The following PCSK2 variants were observed in gnomAD, a reference collection of about 807,000 sequenced individuals.
PCSK2 encodes neuroendocrine convertase 2.
PCSK2 carries 14 observed loss-of-function variants against 69.7 expected under a neutral mutation model. The ratio of observed to expected loss-of-function variants is 0.20; its 90% CI spans 0.13 to 0.31. The LOEUF (loss-of-function observed/expected upper bound fraction) is 0.31. PCSK2 is among the 10% of genes least tolerant of loss of function. The pLI, the probability that PCSK2 is intolerant of heterozygous loss-of-function variation, is 1.00. For synonymous variants in PCSK2, 307 were observed against 320.7 expected (o/e 0.96, Z 0.46); for missense variants, 544 against 842.5 (o/e 0.65, Z 4.39).
At chr20:17,252,302 T>G (rs1987013061) in intron 1 of PCSK2, among the ~76,000 whole-genome samples, 1 of 151,620 alleles carries the variant, frequency 6.6e-6, no homozygotes, top group Admixed American at 6.6e-5. Context: ...TGGAAAAGAG[T>G]CTCTTAAGCT....
At chr20:17,378,618 TGGATGGA>T (rs2030999005) in intron 5 of PCSK2, among the ~76,000 whole-genome samples, 1 of 148,112 alleles carries the variant, frequency 6.8e-6, no homozygotes, top group African/African-American at 2.5e-5. Flanking sequence ...GATGGATGGA[TGGATGGA>T]TGGATGGATG....
intron 2 of PCSK2, among the ~76,000 whole-genome samples, chr20:17,275,991 G>T (rs1178137998): frequency 6.6e-6 from 1 of 152,140 alleles, no homozygotes; most frequent in Non-Finnish European, 1.5e-5. Context: ...AGGTTGATGT[G>T]AGCATTAAAT....
intron 2 of PCSK2, chr20:17,263,179 T>A: frequency 1.0e-6 from 1 of 967,440 alleles, no homozygotes; most frequent in Non-Finnish European, 1.2e-6. Flanking sequence ...TTTTTTTGAC[T>A]TCAGACCAGA....
In PCSK2 at chr20:17,285,251, C is replaced by T. The variant is rs536822722; in HGVS notation, c.282+24907C>T. ...ATTTTTCAAAGTTACTTTTTCTTGT[C>T]GGGTGGGAACAGGGAAATAGAACAA... On this transcript the variant is annotated intron_variant, in intron 2 of 11. Transcript: ENST00000262545. Among the ~76,000 whole-genome samples, 5 of 152,226 alleles carry T rather than the reference C, an allele frequency of 3.3e-5. No homozygotes were observed. In the East Asian group the frequency reaches 7.7e-4, roughly 24 times the overall value.
chr20:17,373,659 A>G (rs951652024), intron 5 of PCSK2, among the ~76,000 whole-genome samples: 1 of 152,244 alleles, frequency 6.6e-6, no homozygotes, highest in African/African-American at 2.4e-5. Context: ...CAAAAAAATT[A>G]CTTTATAATC....
At chr20:17,467,777 ACACACAAGTCTACAGCAGG>A (rs1301903895) in intron 11 of PCSK2, among the ~76,000 whole-genome samples, 1 of 152,196 alleles carries the variant, frequency 6.6e-6, no homozygotes, top group Non-Finnish European at 1.5e-5. Context: ...GACTTTAGCA[ACACACAAGTCTACAGCAGG>A]CACACAGTAG....
chr20:17,378,138 G>T (rs2030981868), intron 5 of PCSK2, among the ~76,000 whole-genome samples: 1 of 152,040 alleles, frequency 6.6e-6, no homozygotes, highest in African/African-American at 2.4e-5. Context: ...TGCTAACCTG[G>T]AAATAAAACA....
At chr20:17,391,094 T>A (rs917965805) in intron 5 of PCSK2, among the ~76,000 whole-genome samples, 2 of 152,228 alleles carry the variant, frequency 1.3e-5, no homozygotes, top group Admixed American at 6.5e-5. Flanking sequence ...TGTGTGAATA[T>A]CCCTTTAGAA....
intron 2 of PCSK2, among the ~76,000 whole-genome samples, chr20:17,346,302 C>T (rs778427759): frequency 3.9e-5 from 6 of 152,188 alleles, no homozygotes; most frequent in South Asian, 2.1e-4. Flanking sequence ...CACCCCCAAA[C>T]GCCTTTCCAG....
At chr20:17,396,615 CTTATT>C (rs1476619473) in intron 5 of PCSK2, among the ~76,000 whole-genome samples, 1 of 148,448 alleles carries the variant, frequency 6.7e-6, no homozygotes, top group Non-Finnish European at 1.5e-5. Context: ...TCAAAGTCAA[CTTATT>C]TTTTTTTTTT....
At chr20:17,457,285 G>C (rs1006825654) in intron 10 of PCSK2, among the ~76,000 whole-genome samples, 11 of 152,236 alleles carry the variant, frequency 7.2e-5, no homozygotes, top group African/African-American at 2.7e-4. Context: ...TGGGGAAGGA[G>C]AGTAGAGTTG....
chr20:17,466,894 T>G (rs1276798321), intron 11 of PCSK2, among the ~76,000 whole-genome samples: 1 of 152,220 alleles, frequency 6.6e-6, no homozygotes, highest in Non-Finnish European at 1.5e-5. Flanking sequence ...GACTGGACTG[T>G]GTCCAGTTTC....
intron 8 of PCSK2, among the ~76,000 whole-genome samples, chr20:17,440,725 G>C (rs531111372): frequency 1.2e-4 from 19 of 152,212 alleles, no homozygotes; most frequent in Non-Finnish European, 2.6e-4. Context: ...AGCCAGGTGT[G>C]GTGGTGGGCA....
chr20:17,463,670 C>CCA (rs1186255725), intron 10 of PCSK2: 6 of 148,608 alleles, frequency 4.0e-5, no homozygotes, highest in Admixed American at 3.4e-4. Flanking sequence ...CCCCCACCCC[C>CCA]CACACACACA....
chr20:17,400,248 G>A (rs1266675520), intron 5 of PCSK2, among the ~76,000 whole-genome samples: 1 of 152,142 alleles, frequency 6.6e-6, no homozygotes, highest in Admixed American at 6.5e-5. Context: ...CCAGGTATTT[G>A]CTTTTCTTTT....
At chr20:17,398,563 C>A (rs1019121168) in intron 5 of PCSK2, among the ~76,000 whole-genome samples, 1 of 148,228 alleles carries the variant, frequency 6.7e-6, no homozygotes, top group African/African-American at 2.5e-5. Context: ...TTCAGTCAGT[C>A]TGGGCTGGGG....
intron 2 of PCSK2, among the ~76,000 whole-genome samples, chr20:17,282,657 AT>A (rs139013706): frequency 0.16 from 24,106 of 150,192 alleles, 2,320 homozygotes; most frequent in Non-Finnish European, 0.22. Context: ...AAGGAAAGAG[AT>A]TTTTTTTTTC....
chr20:17,317,605 A>G (rs1363005922), intron 2 of PCSK2, among the ~76,000 whole-genome samples: 3 of 152,164 alleles, frequency 2.0e-5, no homozygotes, highest in Non-Finnish European at 4.4e-5. Context: ...CCACCTCAAT[A>G]CAACTCCCCC....
At chr20:17,417,930 AAGT>A (rs1283243997) in intron 6 of PCSK2, among the ~76,000 whole-genome samples, 6 of 152,168 alleles carry the variant, frequency 3.9e-5, no homozygotes, top group Admixed American at 1.3e-4. Flanking sequence ...TAATAACAAG[AAGT>A]AAATTTAACT....
Sources: allele counts gnomAD v4.1 joint callset (sites outside exome capture counted in the v4.1 genomes callset), GRCh38; gene constraint gnomAD v4.1.1; transcripts MANE v1.5; gene names NCBI Gene and HGNC (gene_info 2026-07-23, HGNC 2026-07-21).